Variants in POFUT3 observed in about 807,000 individuals in gnomAD.
The protein encoded by POFUT3 is GDP-fucose protein O-fucosyltransferase 3.
chr8:33,427,376 G>A, the POFUT3 span, among the ~76,000 whole-genome samples: 7 of 152,070 alleles, frequency 4.6e-5, no homozygotes, highest in East Asian at 1.9e-4. Flanking sequence ...TCGGGAGTTC[G>A]AGACCAGCCT....
the POFUT3 span, among the ~76,000 whole-genome samples, chr8:33,368,921 T>C: frequency 6.6e-6 from 1 of 152,172 alleles, no homozygotes; most frequent in African/African-American, 2.4e-5. Flanking sequence ...TTGGTTTTAA[T>C]ACCATCATAA....
the POFUT3 span, chr8:33,389,113 C>A: frequency 6.2e-7 from 1 of 1,614,220 alleles, no homozygotes; most frequent in Non-Finnish European, 8.5e-7. Flanking sequence ...CACCCTTCAG[C>A]TTCCATTCTA....
At chr8:33,367,098 T>C in the POFUT3 span, among the ~76,000 whole-genome samples, 8 of 151,954 alleles carry the variant, frequency 5.3e-5, no homozygotes, top group African/African-American at 1.7e-4. Context: ...TAAAAATAAA[T>C]AAATAAATGT....
chr8:33,471,105 A>C, the POFUT3 span, among the ~76,000 whole-genome samples: 1 of 152,248 alleles, frequency 6.6e-6, no homozygotes, highest in South Asian at 2.1e-4. Flanking sequence ...ACTTCTAAAA[A>C]TGTTCAAAAA....
the POFUT3 span, among the ~76,000 whole-genome samples, chr8:33,339,355 G>T: frequency 6.6e-6 from 1 of 152,112 alleles, no homozygotes; most frequent in East Asian, 1.9e-4. Context: ...CAGTTATCTG[G>T]AAGGTAAAAC....
the POFUT3 span, among the ~76,000 whole-genome samples, chr8:33,356,712 T>C: frequency 6.6e-6 from 1 of 151,636 alleles, no homozygotes; most frequent in Non-Finnish European, 1.5e-5. Context: ...TTTGTTGCCA[T>C]TGCTTTTGGT....
chr8:33,470,411 C>T, the POFUT3 span, among the ~76,000 whole-genome samples: 6 of 152,054 alleles, frequency 3.9e-5, no homozygotes, highest in East Asian at 1.9e-4. Flanking sequence ...CAGAGCTAGA[C>T]CCTGTCTCAA....
chr8:33,357,390 G>A, the POFUT3 span, among the ~76,000 whole-genome samples: 1 of 151,708 alleles, frequency 6.6e-6, no homozygotes, highest in Non-Finnish European at 1.5e-5. Context: ...AAGAATTTTA[G>A]GGGCCTATTA....
At chr8:33,408,872 G>T in the POFUT3 span, among the ~76,000 whole-genome samples, 3 of 151,994 alleles carry the variant, frequency 2.0e-5, no homozygotes, top group Admixed American at 1.3e-4. Context: ...AATTGGGATG[G>T]TGATTACATG....
chr8:33,404,251 T>C, the POFUT3 span, among the ~76,000 whole-genome samples: 2 of 149,506 alleles, frequency 1.3e-5, no homozygotes, highest in African/African-American at 5.0e-5. Context: ...GGCACAAGAA[T>C]CACTTGAACC....
chr8:33,349,678 A>G, the POFUT3 span, among the ~76,000 whole-genome samples: 2 of 152,090 alleles, frequency 1.3e-5, no homozygotes, highest in Non-Finnish European at 1.5e-5. Flanking sequence ...TTATCCACTC[A>G]TTGGTCGATG....
At chr8:33,386,064 T>C in the POFUT3 span, among the ~76,000 whole-genome samples, 5,818 of 151,238 alleles carry the variant, frequency 0.038, 365 homozygotes, top group African/African-American at 0.13. Flanking sequence ...TGGCATGCGC[T>C]TGTAATCCCA....
chr8:33,313,743 T>A, the POFUT3 span, among the ~76,000 whole-genome samples: 1 of 152,204 alleles, frequency 6.6e-6, no homozygotes, highest in Non-Finnish European at 1.5e-5. Context: ...TTATCCTGAA[T>A]ATAAACTCCT....
the POFUT3 span, among the ~76,000 whole-genome samples, chr8:33,387,178 C>G: frequency 1.3e-5 from 2 of 152,028 alleles, no homozygotes; most frequent in Non-Finnish European, 2.9e-5. Context: ...CATCAGAAAT[C>G]AGGAAGCATT....
At chr8:33,429,995 CAA>C in the POFUT3 span, among the ~76,000 whole-genome samples, 12,872 of 124,662 alleles carry the variant, frequency 0.1, 745 homozygotes, top group East Asian at 0.3. Flanking sequence ...GACTCCATCT[CAA>C]AAAAAAAAAA....
At chr8:33,451,535 CAT>C in the POFUT3 span, among the ~76,000 whole-genome samples, 1 of 150,824 alleles carries the variant, frequency 6.6e-6, no homozygotes, top group Non-Finnish European at 1.5e-5. Flanking sequence ...TATGCATATG[CAT>C]ATGTATGCAT....
chr8:33,408,452 C>T, the POFUT3 span, among the ~76,000 whole-genome samples: 2 of 152,088 alleles, frequency 1.3e-5, no homozygotes, highest in African/African-American at 4.8e-5. Context: ...AAGGAAATTC[C>T]CTGAATCCTA....
At chr8:33,342,681 A>C in the POFUT3 span, among the ~76,000 whole-genome samples, 1 of 152,230 alleles carries the variant, frequency 6.6e-6, no homozygotes, top group Non-Finnish European at 1.5e-5. Flanking sequence ...GTGAAGAAGC[A>C]GAAAAACTGG....
At chr8:33,340,208 A>C in the POFUT3 span, among the ~76,000 whole-genome samples, 2 of 152,156 alleles carry the variant, frequency 1.3e-5, no homozygotes, top group African/African-American at 4.8e-5. Flanking sequence ...TATCTTAAAA[A>C]AAACACTTAA....
Sources: gnomAD v4.1 joint callset for allele counts (sites outside exome capture counted in the v4.1 genomes callset) on GRCh38, gnomAD v4.1.1 for gene constraint, MANE v1.5 for transcripts, NCBI Gene and HGNC (gene_info 2026-07-23, HGNC 2026-07-21) for gene names.